Variants in CHODL observed in about 807,000 individuals in gnomAD.
The protein encoded by CHODL is chondrolectin.
In CHODL, 29 loss-of-function variants were observed where a neutral mutation model predicts 34.5. The observed-to-expected ratio is 0.84, with a 90% CI of 0.63 to 1.15. The LOEUF is 1.15. Ranked by LOEUF, CHODL falls within the 50% of genes most tolerant of loss-of-function variation. CHODL has a pLI of 0.00. For missense variants in CHODL, 332 were observed against 332.5 expected (o/e 1.00, Z 0.01); for synonymous variants, 125 against 116.1 (o/e 1.08, Z -0.49).
At chr21:18,262,426 TG>T (rs2146826268) in intron 4 of CHODL, among the ~76,000 whole-genome samples, 1 of 152,294 alleles carries the variant, frequency 6.6e-6, no homozygotes, top group East Asian at 1.9e-4. Context: ...CCCTGCACCA[TG>T]TTACTATACT....
intron 1 of CHODL, among the ~76,000 whole-genome samples, chr21:18,009,896 A>AAAAAAAAAT (rs1302633039): frequency 2.0e-5 from 3 of 149,942 alleles, no homozygotes; most frequent in African/African-American, 7.4e-5. Context: ...TCAAAAAAAA[A>AAAAAAAAAT]AAAATAACAT....
Position 18,068,238 on chromosome 21 carries a change from C to T in CHODL, c.-45+40267C>T, listed in dbSNP as rs114000618. ...TGAGATGGAGTCTTGCTTTTGTAGC[C>T]CAGGCTGGAGTGCAGTGGTGCGGTC... On this transcript the variant is annotated intron_variant, in intron 2 of 6. Transcript: ENST00000400127. Among the ~76,000 whole-genome samples, 143 of 151,490 alleles carry T rather than the reference C, an allele frequency of 9.4e-4. 1 individual carries two copies. Among genetic ancestry groups the T allele is most frequent in the African/African-American group, 3.3e-3 (135 of 41,290 alleles).
intron 2 of CHODL, among the ~76,000 whole-genome samples, chr21:18,084,524 C>T (rs767374936): frequency 3.3e-5 from 5 of 152,174 alleles, no homozygotes; most frequent in Admixed American, 1.3e-4. Context: ...TTCATTGACC[C>T]AGTGATCATT....
chr21:18,118,309 G>A (rs905744864), intron 2 of CHODL, among the ~76,000 whole-genome samples: 4 of 152,104 alleles, frequency 2.6e-5, no homozygotes, highest in African/African-American at 7.2e-5. Context: ...CAGGCTAGCA[G>A]TTTGAATGAG....
In CHODL at chr21:18,256,600, A is replaced by G; in HGVS notation, c.171A>G (p.Ala57=). 1 of 1,613,986 alleles carries G rather than the reference A, an allele frequency of 6.2e-7. No individual in the cohort carries two copies. The highest frequency in any genetic ancestry group is 8.5e-7 in the Non-Finnish European group (1 of 1,179,974). Residue 57 remains alanine, a synonymous_variant, in exon 2 of 6, where the codon GCA becomes GCG. Coordinates refer to ENST00000299295, the MANE Select transcript of CHODL (RefSeq NM_024944.3). The part of the protein sequence containing the change: ...ELSSRVSFQE[A]RLACESEGGV... ...CCAGCCGAGTGAGCTTTCAGGAGGC[A>G]CGCCTGGCTTGTGAGAGTGAGGGAG...
intron 2 of CHODL, among the ~76,000 whole-genome samples, chr21:18,149,619 C>T (rs73893006): frequency 0.015 from 2,256 of 152,280 alleles, 55 homozygotes; most frequent in African/African-American, 0.049. Context: ...TGTCAAGCTA[C>T]ATCTCAATGA....
At chr21:17,979,385 C>G (rs2063696702) in intron 1 of CHODL, among the ~76,000 whole-genome samples, 1 of 152,100 alleles carries the variant, frequency 6.6e-6, no homozygotes, top group Non-Finnish European at 1.5e-5. Context: ...AATAAATATA[C>G]AGAATCTTAG....
intron 2 of CHODL, among the ~76,000 whole-genome samples, chr21:18,188,246 A>T (rs953163883): frequency 6.6e-6 from 1 of 151,996 alleles, no homozygotes; most frequent in African/African-American, 2.4e-5. Flanking sequence ...TAATCCCTTG[A>T]TCTTAATTCT....
intron 1 of CHODL, among the ~76,000 whole-genome samples, chr21:18,252,682 C>T (rs1237016943): frequency 1.3e-5 from 2 of 152,070 alleles, no homozygotes; most frequent in Non-Finnish European, 2.9e-5. Context: ...AAAAATTGTG[C>T]AATATATTTA....
intron 2 of CHODL, among the ~76,000 whole-genome samples, chr21:18,207,217 T>TC (rs755907986): frequency 1.0e-4 from 15 of 146,098 alleles, no homozygotes; most frequent in Non-Finnish European, 2.2e-4. Context: ...CATGAACTCA[T>TC]CCTTTTTTAT....
intron 1 of CHODL, among the ~76,000 whole-genome samples, chr21:17,986,912 C>T (rs991779098): frequency 7.9e-5 from 12 of 151,960 alleles, no homozygotes; most frequent in African/African-American, 2.2e-4. Flanking sequence ...GGGATGGTGC[C>T]GAAAATAGGT....
intron 2 of CHODL, among the ~76,000 whole-genome samples, chr21:18,197,764 G>A (rs915745312): frequency 6.6e-6 from 1 of 152,114 alleles, no homozygotes; most frequent in African/African-American, 2.4e-5. Flanking sequence ...CAAAACTGGG[G>A]TCCCAAGAAA....
intron 1 of CHODL, among the ~76,000 whole-genome samples, chr21:18,008,384 G>A (rs937944065): frequency 6.6e-6 from 1 of 151,970 alleles, no homozygotes; most frequent in African/African-American, 2.4e-5. Context: ...ATCATAAAGT[G>A]CACAATATTG....
chr21:18,013,635 C>CTTTTTTTTCTTTTTTTTTTTTTTT (rs2064041085), intron 1 of CHODL, among the ~76,000 whole-genome samples: 1 of 71,896 alleles, frequency 1.4e-5, no homozygotes, highest in Non-Finnish European at 2.5e-5. Flanking sequence ...GCTGCTGCTG[C>CTTTTTTTTCTTTTTTTTTTTTTTT]TTTTTTTTTT....
At chr21:18,018,996 C>T (rs2064102426) in intron 1 of CHODL, among the ~76,000 whole-genome samples, 1 of 152,178 alleles carries the variant, frequency 6.6e-6, no homozygotes, top group South Asian at 2.1e-4. Flanking sequence ...AATTACACCA[C>T]TTGTTAAGTT....
At chr21:18,043,934 C>G (rs1237758719) in intron 2 of CHODL, among the ~76,000 whole-genome samples, 2 of 151,876 alleles carry the variant, frequency 1.3e-5, no homozygotes. Flanking sequence ...TCTTGTGAGA[C>G]TTATTCACTA....
chr21:17,982,140 C>A (rs528451368), intron 1 of CHODL, among the ~76,000 whole-genome samples: 1 of 152,150 alleles, frequency 6.6e-6, no homozygotes, highest in East Asian at 1.9e-4. Flanking sequence ...GTTTCTAACA[C>A]GGATTTTAAA....
At chr21:18,136,058 G>C (rs1206184624) in intron 2 of CHODL, among the ~76,000 whole-genome samples, 1 of 125,954 alleles carries the variant, frequency 7.9e-6, no homozygotes, top group Admixed American at 9.7e-5. Flanking sequence ...AGCGAGCTGA[G>C]CTTGCGCCAC....
intron 2 of CHODL, among the ~76,000 whole-genome samples, chr21:18,128,707 G>A (rs1339201284): frequency 1.3e-5 from 2 of 152,004 alleles, no homozygotes; most frequent in Admixed American, 6.5e-5. Flanking sequence ...TAGAGAGTAA[G>A]TTGATATCTA....
Sources: allele counts gnomAD v4.1 joint callset (sites outside exome capture counted in the v4.1 genomes callset), GRCh38; gene constraint gnomAD v4.1.1; transcripts MANE v1.5; gene names NCBI Gene and HGNC (gene_info 2026-07-23, HGNC 2026-07-21).